The following CDH8 variants were observed in gnomAD, a reference collection of about 807,000 sequenced individuals.
The protein encoded by CDH8 is cadherin 8.
CDH8 carries 17 observed loss-of-function variants against 68.1 expected under a neutral mutation model. The ratio of observed to expected loss-of-function variants is 0.25; its 90% CI spans 0.17 to 0.37. The LOEUF (loss-of-function observed/expected upper bound fraction) is 0.37. CDH8 is among the 10% of genes least tolerant of loss of function. The pLI, the probability that CDH8 is intolerant of heterozygous loss-of-function variation, is 1.00. For missense variants in CDH8, 763 were observed against 999.3 expected, an observed-to-expected ratio of 0.76 and a Z score of 3.19; for synonymous variants, 372 against 365.1, an observed-to-expected ratio of 1.02 and a Z score of -0.21.
intron 4 of CDH8, among the ~76,000 whole-genome samples, chr16:61,852,897 T>TCCTTC (rs149266274): frequency 8.3e-6 from 1 of 121,198 alleles, no homozygotes; most frequent in Non-Finnish European, 1.7e-5. Flanking sequence ...TTCCTTCCAT[T>TCCTTC]CTTCCTTCCT....
At chr16:61,778,176 A>G (rs538927953) in intron 8 of CDH8, among the ~76,000 whole-genome samples, 22 of 152,218 alleles carry the variant, frequency 1.4e-4, no homozygotes, top group African/African-American at 4.8e-4. Flanking sequence ...ATCTAACTCA[A>G]TAATAGCTTC....
intron 10 of CDH8, among the ~76,000 whole-genome samples, chr16:61,675,885 A>G (rs1181294187): frequency 6.6e-6 from 1 of 151,228 alleles, no homozygotes; most frequent in Non-Finnish European, 1.5e-5. Flanking sequence ...ACTAATGACA[A>G]TATTAATAAT....
intron 8 of CDH8, among the ~76,000 whole-genome samples, chr16:61,749,097 A>G (rs1329571804): frequency 1.3e-5 from 2 of 152,110 alleles, no homozygotes; most frequent in East Asian, 3.8e-4. Context: ...TTCATTTGGA[A>G]TATCTACAAT....
At chr16:61,697,004 G>A (rs145776708) in intron 10 of CDH8, among the ~76,000 whole-genome samples, 2 of 152,052 alleles carry the variant, frequency 1.3e-5, no homozygotes, top group African/African-American at 2.4e-5. Flanking sequence ...TCATTACCTG[G>A]GTAACAGGAT....
chr16:61,901,449 T>C lies in CDH8; in HGVS notation c.277A>G (p.Ser93Gly). The C allele has an allele frequency of 6.2e-7, 1 of 1,613,578 alleles. No individual in the cohort carries two copies. Among genetic ancestry groups the C allele is most frequent in the Non-Finnish European group, 8.5e-7 (1 of 1,179,618 alleles). The change falls in exon 3 of 12, where the codon AGC (serine) becomes GGC (glycine). Residue 93 changes from serine to glycine, a missense_variant. Ser to Gly is a moderately conservative substitution (Grantham distance 56). This residue lies in a region of CDH8 where 366 missense variants were observed against 563.1 expected (regional missense o/e 0.65). Coordinates refer to ENST00000577390, the MANE Select transcript of CDH8 (RefSeq NM_001796.5). ...GRLHTDLDPG[S>G]KKIKYILSGD... The stretch of plus-strand genomic sequence containing the variant: ...GATAGGATATACTTGATTTTTTTGC[T>C]CCCAGGATCCAGGTCTGTGTGTAGC...
At chr16:61,685,043 A>G (rs1259584515) in intron 10 of CDH8, among the ~76,000 whole-genome samples, 1 of 151,738 alleles carries the variant, frequency 6.6e-6, no homozygotes, top group Non-Finnish European at 1.5e-5. Context: ...CTTTGTCACC[A>G]TTGTTTTGTA....
Position 61,975,554 on chromosome 16 carries a change from T to C in CDH8, c.252+45598A>G, listed in dbSNP as rs140204924. ...TGGTGAAACTAAGTGGGATGTAAATTTTAAAAATGATTAAATAGCAGGAAT... is the reference window on the plus strand; with the variant it reads ...TGGTGAAACTAAGTGGGATGTAAATCTTAAAAATGATTAAATAGCAGGAAT... On this transcript the variant is annotated intron_variant, in intron 2 of 11. Transcript: ENST00000577390. Among the ~76,000 whole-genome samples, 40 of 152,310 alleles carry C rather than the reference T, an allele frequency of 2.6e-4. 2 individuals are homozygous for C. In the East Asian group the frequency reaches 7.7e-3, roughly 29 times the overall value.
chr16:61,962,907 T>A (rs1004715377), intron 2 of CDH8, among the ~76,000 whole-genome samples: 1 of 152,190 alleles, frequency 6.6e-6, no homozygotes, highest in Non-Finnish European at 1.5e-5. Flanking sequence ...TTATGTAACA[T>A]CTTTTGATCT....
In CDH8 at chr16:61,649,905, T is replaced by C. The variant is rs996591318; in HGVS notation, c.*3703A>G. The stretch of plus-strand genomic sequence containing the variant: ...AGATTTCTAAGTCTCATGCAGAGAC[T>C]TGTCTTACTTTAAGCATCTGATTAA... On this transcript the variant is annotated 3_prime_UTR_variant, in exon 12 of 12. Transcript: ENST00000577390. 1 of 152,150 alleles carries C rather than the reference T, an allele frequency of 6.6e-6. No individual in the cohort carries two copies. The highest frequency in any genetic ancestry group is 1.5e-5 in the Non-Finnish European group (1 of 68,028). The allele number at this position is 152,150 out of a possible 1,614,324, so 9.4% of individuals were successfully genotyped here. A position where few individuals can be genotyped will look rare whatever the true frequency, so the allele number is the denominator to read the frequency against.
At chr16:61,919,689 T>C (rs1048557576) in intron 2 of CDH8, among the ~76,000 whole-genome samples, 3 of 151,986 alleles carry the variant, frequency 2.0e-5, no homozygotes, top group East Asian at 1.9e-4. Context: ...CTACATCTGA[T>C]TGGTGTACCT....
At chr16:61,799,905 T>C (rs1311331875) in intron 7 of CDH8, among the ~76,000 whole-genome samples, 1 of 152,082 alleles carries the variant, frequency 6.6e-6, no homozygotes, top group Admixed American at 6.6e-5. Context: ...ATTAACTCTT[T>C]TCCCCCCCCC....
chr16:61,683,985 GA>G (rs1292429786), intron 10 of CDH8, among the ~76,000 whole-genome samples: 1 of 151,986 alleles, frequency 6.6e-6, no homozygotes, highest in Non-Finnish European at 1.5e-5. Context: ...AAAGCCAGTT[GA>G]AGACAGAACA....
intron 10 of CDH8, among the ~76,000 whole-genome samples, chr16:61,702,121 T>G (rs1026970526): frequency 6.6e-6 from 1 of 152,128 alleles, no homozygotes; most frequent in African/African-American, 2.4e-5. Context: ...TCCTGTAATC[T>G]CAGCAGTTTG....
At chr16:61,727,244 T>C in intron 8 of CDH8, 29 bp from the exon 9 acceptor site, 1 of 1,572,640 alleles carries the variant, frequency 6.4e-7, no homozygotes, top group Non-Finnish European at 8.6e-7. Flanking sequence ...AACATCAGCA[T>C]TGAGGGTATT....
chr16:61,967,346 T>C (rs998163009), intron 2 of CDH8, among the ~76,000 whole-genome samples: 2 of 152,204 alleles, frequency 1.3e-5, no homozygotes, highest in East Asian at 1.9e-4. Flanking sequence ...CTCTTTCCAG[T>C]ACCACCACAT....
intron 7 of CDH8, among the ~76,000 whole-genome samples, chr16:61,815,883 C>T (rs896503857): frequency 6.6e-6 from 1 of 152,012 alleles, no homozygotes; most frequent in Non-Finnish European, 1.5e-5. Context: ...TATCATTGTC[C>T]CCATTAATGT....
At chr16:61,916,511 T>C (rs1265444317) in intron 2 of CDH8, among the ~76,000 whole-genome samples, 1 of 152,110 alleles carries the variant, frequency 6.6e-6, no homozygotes, top group Non-Finnish European at 1.5e-5. Flanking sequence ...CGAGATTCCA[T>C]CTCAAAAAAT....
intron 2 of CDH8, among the ~76,000 whole-genome samples, chr16:61,981,809 T>C (rs1965536986): frequency 6.6e-6 from 1 of 152,232 alleles, no homozygotes; most frequent in Admixed American, 6.5e-5. Context: ...TCTCAGATTA[T>C]ACAATAATTT....
intron 1 of CDH8, among the ~76,000 whole-genome samples, chr16:62,025,277 G>A (rs1042077028): frequency 6.6e-6 from 1 of 152,116 alleles, no homozygotes; most frequent in African/African-American, 2.4e-5. Flanking sequence ...CCAGTCCATC[G>A]TCACTCCATC....
Sources: allele counts gnomAD v4.1 joint callset (sites outside exome capture counted in the v4.1 genomes callset), GRCh38; gene constraint gnomAD v4.1.1; regional missense constraint gnomAD v4.1.1; transcripts MANE v1.5; gene names NCBI Gene and HGNC (gene_info 2026-07-23, HGNC 2026-07-21).